STAU2: variants seen among roughly 807,000 people sequenced by gnomAD.
STAU2 encodes the protein staufen double-stranded RNA binding protein 2.
STAU2 carries 20 observed loss-of-function variants against 65.9 expected under a neutral mutation model. The observed-to-expected ratio is 0.30, with a 90% CI of 0.21 to 0.44. The LOEUF is 0.44. Ranked by LOEUF, STAU2 falls within the 20% of genes least tolerant of loss-of-function variation. STAU2 has a pLI of 1.00. For synonymous variants in STAU2, 232 were observed against 233.9 expected (o/e 0.99, Z 0.07); for missense variants, 558 against 683.9 (o/e 0.82, Z 2.05).
chr8:73,573,398 C>A (rs1189384509), intron 12 of STAU2, among the ~76,000 whole-genome samples: 9 of 152,078 alleles, frequency 5.9e-5, no homozygotes, highest in Non-Finnish European at 1.2e-4. Flanking sequence ...ATTGGAAAAA[C>A]CTACGTTAAA....
chr8:73,738,425 T>C, intron 2 of STAU2, 76 bp from the exon 3 acceptor site: 6 of 961,154 alleles, frequency 6.2e-6, no homozygotes, highest in Non-Finnish European at 7.7e-6. Flanking sequence ...ACACATGCCC[T>C]TGATCAAAAT....
At chr8:73,700,137 C>T (rs1586301459) in intron 4 of STAU2, among the ~76,000 whole-genome samples, 1 of 151,954 alleles carries the variant, frequency 6.6e-6, no homozygotes, top group African/African-American at 2.4e-5. Flanking sequence ...GTGATAAAAA[C>T]CCTCAAATAA....
chr8:73,503,021 A>G (rs898415984), intron 13 of STAU2, among the ~76,000 whole-genome samples: 5 of 152,112 alleles, frequency 3.3e-5, no homozygotes, highest in African/African-American at 1.2e-4. Context: ...TCAAAAGCAA[A>G]CAATAGAAAT....
At chr8:73,714,888 C>T (rs1427239332) in intron 3 of STAU2, among the ~76,000 whole-genome samples, 1 of 152,108 alleles carries the variant, frequency 6.6e-6, no homozygotes, top group East Asian at 1.9e-4. Context: ...TCCAGACCAG[C>T]CTGGCCAACA....
intron 6 of STAU2, among the ~76,000 whole-genome samples, chr8:73,631,812 C>T (rs1453036179): frequency 6.6e-6 from 1 of 152,120 alleles, no homozygotes; most frequent in East Asian, 1.9e-4. Context: ...TCCCAGGAAA[C>T]TCAAACTGAG....
intron 13 of STAU2, among the ~76,000 whole-genome samples, chr8:73,530,741 A>T (rs1253603241): frequency 1.3e-5 from 2 of 152,182 alleles, no homozygotes; most frequent in Non-Finnish European, 2.9e-5. Flanking sequence ...GTACCTGAAA[A>T]AACAAAAAGA....
intron 4 of STAU2, among the ~76,000 whole-genome samples, chr8:73,693,021 C>T (rs1385370959): frequency 6.6e-6 from 1 of 151,932 alleles, no homozygotes; most frequent in Admixed American, 6.6e-5. Context: ...ATTATCCAGG[C>T]ATGGTGGTGC....
intron 13 of STAU2, among the ~76,000 whole-genome samples, chr8:73,485,551 T>G (rs1820871798): frequency 6.6e-6 from 1 of 151,980 alleles, no homozygotes; most frequent in Non-Finnish European, 1.5e-5. Flanking sequence ...TGCAATGGGA[T>G]TTCAAGAACC....
intron 6 of STAU2, among the ~76,000 whole-genome samples, chr8:73,621,580 CATA>C (rs1813238823): frequency 6.6e-6 from 1 of 152,154 alleles, no homozygotes. Context: ...TTTAGATCCC[CATA>C]ATGATTACTG....
intron 13 of STAU2, among the ~76,000 whole-genome samples, chr8:73,545,446 G>A (rs1486742890): frequency 6.6e-6 from 1 of 152,060 alleles, no homozygotes; most frequent in African/African-American, 2.4e-5. Flanking sequence ...TCTGCTTTTT[G>A]ATGTGACTAT....
In STAU2 at chr8:73,709,110, C is replaced by T. The variant is rs912055523; in HGVS notation, c.36G>A (p.Leu12=). The T allele has an allele frequency of 1.1e-4, 172 of 1,532,934 alleles. No individual in the cohort carries two copies. The highest frequency in any genetic ancestry group is 1.3e-4 in the Non-Finnish European group (153 of 1,144,636). 95.0% of individuals were successfully genotyped at this position (1,532,934 alleles called of 1,614,324 possible). The change falls in exon 4 of 15, where the codon CTG becomes CTA. Residue 12 remains leucine, a synonymous_variant. Coordinates refer to ENST00000524300, the MANE Select transcript of STAU2 (RefSeq NM_001164380.2). ...TATTGAAACGGGCTAACTCATTTAC[C>T]AGACACATTGCAGTTTTCTCTTTTG... ...ANPKEKTAMC[L]VNELARFNRV... is the part of the protein sequence containing the mutation.
At chr8:73,427,576 G>A (rs1384580148) in intron 13 of STAU2, among the ~76,000 whole-genome samples, 1 of 152,234 alleles carries the variant, frequency 6.6e-6, no homozygotes, top group Non-Finnish European at 1.5e-5. Flanking sequence ...CAGTGACTCT[G>A]AGGTCCTTTT....
intron 1 of STAU2, among the ~76,000 whole-genome samples, chr8:73,743,679 G>A (rs1433867040): frequency 6.6e-6 from 1 of 151,292 alleles, no homozygotes; most frequent in Non-Finnish European, 1.5e-5. Flanking sequence ...CTCCATGTTC[G>A]TCAGGCTGGT....
At chr8:73,592,505 C>T (rs892978226) in intron 11 of STAU2, among the ~76,000 whole-genome samples, 1 of 151,992 alleles carries the variant, frequency 6.6e-6, no homozygotes, top group African/African-American at 2.4e-5. Flanking sequence ...AGTTAAAAAA[C>T]CCTTTCCACA....
chr8:73,738,301 T>A lies in STAU2; in HGVS notation c.-35A>T, dbSNP rs778466245. The stretch of plus-strand genomic sequence containing the variant: ...AAACTCACCTGATTTATTTGAAGCA[T>A]GTTAAGACAATATTGACCAAACTGC... On this transcript the variant is annotated 5_prime_UTR_variant, in exon 3 of 15. An upstream start codon of the reference 5' UTR is lost. Transcript: ENST00000524300. 3 of 1,608,596 alleles carry A rather than the reference T, an allele frequency of 1.9e-6. No homozygotes were observed. The highest frequency in any genetic ancestry group is 2.5e-6 in the Non-Finnish European group (3 of 1,178,358).
At chr8:73,694,279 C>CA (rs890784885) in intron 4 of STAU2, among the ~76,000 whole-genome samples, 3 of 151,818 alleles carry the variant, frequency 2.0e-5, no homozygotes, top group Non-Finnish European at 2.9e-5. Flanking sequence ...ATATAACAAG[C>CA]AAAAAAAATC....
intron 13 of STAU2, among the ~76,000 whole-genome samples, chr8:73,467,013 G>C (rs956200553): frequency 6.6e-6 from 1 of 152,206 alleles, no homozygotes; most frequent in East Asian, 1.9e-4. Flanking sequence ...CAAGGCCTTA[G>C]ACATAAACTG....
chr8:73,456,973 A>C (rs1819105388), intron 13 of STAU2, among the ~76,000 whole-genome samples: 1 of 152,214 alleles, frequency 6.6e-6, no homozygotes, highest in South Asian at 2.1e-4. Flanking sequence ...TAATACAATA[A>C]ATATATTGCT....
chr8:73,721,287 C>CAAAAAAAAAA (rs35721754), intron 3 of STAU2, among the ~76,000 whole-genome samples: 144 of 12,458 alleles, frequency 0.012, 19 homozygotes, highest in East Asian at 0.022. Flanking sequence ...ACCCCACCTC[C>CAAAAAAAAAA]AAAAAAAAAA....
Sources: allele counts gnomAD v4.1 joint callset (sites outside exome capture counted in the v4.1 genomes callset), GRCh38; gene constraint gnomAD v4.1.1; transcripts MANE v1.5; gene names NCBI Gene and HGNC (gene_info 2026-07-23, HGNC 2026-07-21).